MACROD2: variants seen among roughly 807,000 people sequenced by gnomAD.
MACROD2 encodes the protein mono-ADP ribosylhydrolase 2.
MACROD2 carries 36 observed loss-of-function variants against 70.4 expected under a neutral mutation model. The observed-to-expected ratio is 0.51, with a 90% CI of 0.39 to 0.68. The LOEUF (loss-of-function observed/expected upper bound fraction) is 0.68. Ranked by LOEUF, MACROD2 falls within the 30% of genes least tolerant of loss-of-function variation. MACROD2 has a pLI of 0.00. For synonymous variants in MACROD2, 172 were observed against 178.8 expected (o/e 0.96, Z 0.30); for missense variants, 496 against 538.4 (o/e 0.92, Z 0.78).
intron 4 of MACROD2, among the ~76,000 whole-genome samples, chr20:14,617,966 G>T (rs1383661490): frequency 6.6e-6 from 1 of 152,124 alleles, no homozygotes; most frequent in Non-Finnish European, 1.5e-5. Context: ...ACAAAGGAAG[G>T]TTTCTTCAAT....
At chr20:15,624,092 G>A (rs956283999) in intron 8 of MACROD2, among the ~76,000 whole-genome samples, 10 of 152,174 alleles carry the variant, frequency 6.6e-5, no homozygotes, top group Non-Finnish European at 4.4e-5. Context: ...TCAGTCTATG[G>A]CCAAAGGCTC....
intron 3 of MACROD2, among the ~76,000 whole-genome samples, chr20:14,234,007 G>T (rs373009582): frequency 2.0e-5 from 3 of 152,196 alleles, no homozygotes; most frequent in East Asian, 1.9e-4. Context: ...TGCAAAACCC[G>T]CAGAGCTGTA....
chr20:14,974,565 G>A (rs549701596), intron 5 of MACROD2, among the ~76,000 whole-genome samples: 7 of 152,168 alleles, frequency 4.6e-5, no homozygotes, highest in South Asian at 2.1e-4. Context: ...TTTGCTATAC[G>A]TGAATTGACA....
chr20:14,245,555 G>C (rs529269277), intron 3 of MACROD2, among the ~76,000 whole-genome samples: 2 of 152,184 alleles, frequency 1.3e-5, no homozygotes, highest in African/African-American at 4.8e-5. Flanking sequence ...CAGGTCTGAG[G>C]AACTCCCAAT....
intron 4 of MACROD2, among the ~76,000 whole-genome samples, chr20:14,542,046 T>C (rs2096021324): frequency 6.6e-6 from 1 of 152,260 alleles, no homozygotes; most frequent in Admixed American, 6.5e-5. Context: ...ATTCAGTATA[T>C]TGCACATAAA....
At chr20:15,559,539 C>A (rs1317315701) in intron 8 of MACROD2, among the ~76,000 whole-genome samples, 1 of 152,202 alleles carries the variant, frequency 6.6e-6, no homozygotes, top group East Asian at 1.9e-4. Flanking sequence ...ATGAGAACTT[C>A]TGTCAACCCT....
chr20:14,171,328 GTTTCAA>G (rs887636443), intron 3 of MACROD2, among the ~76,000 whole-genome samples: 2 of 151,756 alleles, frequency 1.3e-5, no homozygotes, highest in African/African-American at 2.4e-5. Context: ...TACTATTTTT[GTTTCAA>G]TTTCATTTAC....
intron 5 of MACROD2, among the ~76,000 whole-genome samples, chr20:15,157,374 G>A (rs1347146534): frequency 3.4e-4 from 23 of 68,202 alleles, no homozygotes; most frequent in African/African-American, 1.1e-3. Flanking sequence ...CCCCCCCCCC[G>A]GCCACCCAGG....
intron 8 of MACROD2, among the ~76,000 whole-genome samples, chr20:15,736,369 G>A (rs565545832): frequency 6.6e-6 from 1 of 152,322 alleles, no homozygotes; most frequent in East Asian, 1.9e-4. Flanking sequence ...GTTTCTTGGA[G>A]TTGAGGTTGC....
intron 5 of MACROD2, among the ~76,000 whole-genome samples, chr20:14,934,709 C>A (rs1769678372): frequency 6.6e-6 from 1 of 152,150 alleles, no homozygotes; most frequent in East Asian, 1.9e-4. Flanking sequence ...ATTGCTTGAA[C>A]TCAGGAGGTG....
chr20:14,880,014 A>G (rs921881417), intron 5 of MACROD2, among the ~76,000 whole-genome samples: 5 of 152,154 alleles, frequency 3.3e-5, no homozygotes, highest in Admixed American at 2.0e-4. Context: ...AGAGCAGAGT[A>G]TGCATCGTGC....
intron 5 of MACROD2, among the ~76,000 whole-genome samples, chr20:14,782,342 G>A (rs991071679): frequency 5.9e-5 from 9 of 151,998 alleles, no homozygotes; most frequent in Non-Finnish European, 1.0e-4. Flanking sequence ...ATGCTCCCTA[G>A]GGCCTTAACT....
chr20:14,542,013 A>G (rs1457807367), intron 4 of MACROD2, among the ~76,000 whole-genome samples: 1 of 152,230 alleles, frequency 6.6e-6, no homozygotes, highest in Non-Finnish European at 1.5e-5. Flanking sequence ...AAAATGTATA[A>G]TTTCATTGTT....
At chr20:15,541,973 C>T (rs62195570) in intron 8 of MACROD2, among the ~76,000 whole-genome samples, 6,348 of 152,234 alleles carry the variant, frequency 0.042, 185 homozygotes, top group East Asian at 0.16. Context: ...TCTGTTCTTC[C>T]AGTGGTATGG....
chr20:15,428,910 T>C (rs2146353595), intron 6 of MACROD2, among the ~76,000 whole-genome samples: 1 of 152,186 alleles, frequency 6.6e-6, no homozygotes, highest in Non-Finnish European at 1.5e-5. Context: ...ATTTTTTTTT[T>C]CTCTCCAGAC....
intron 5 of MACROD2, among the ~76,000 whole-genome samples, chr20:14,834,169 G>A (rs1467796042): frequency 6.6e-6 from 1 of 151,176 alleles, no homozygotes; most frequent in African/African-American, 2.4e-5. Context: ...TTAAAGGTTA[G>A]GAATAAAGGC....
chr20:14,818,529 A>G (rs1414554515), intron 5 of MACROD2, among the ~76,000 whole-genome samples: 3 of 152,040 alleles, frequency 2.0e-5, no homozygotes, highest in Non-Finnish European at 4.4e-5. Context: ...AAACATTCAG[A>G]TGATTTCAAG....
intron 3 of MACROD2, among the ~76,000 whole-genome samples, chr20:14,168,278 A>G (rs577546579): frequency 2.6e-5 from 4 of 152,362 alleles, no homozygotes; most frequent in African/African-American, 7.2e-5. Context: ...ATGAACCACC[A>G]TAGAGATATT....
chr20:15,585,729 C>T (rs2048590376), intron 8 of MACROD2, among the ~76,000 whole-genome samples: 1 of 151,464 alleles, frequency 6.6e-6, no homozygotes, highest in Non-Finnish European at 1.5e-5. Flanking sequence ...ATAGCAGACA[C>T]TTTGTTGGTT....
Sources: allele counts gnomAD v4.1 joint callset (sites outside exome capture counted in the v4.1 genomes callset), GRCh38; gene constraint gnomAD v4.1.1; transcripts MANE v1.5; gene names NCBI Gene and HGNC (gene_info 2026-07-23, HGNC 2026-07-21).